The following MSR1 variants were observed in gnomAD, a reference collection of about 807,000 sequenced individuals.
MSR1 encodes macrophage scavenger receptor types I and II.
In MSR1, 53 loss-of-function variants were observed where a neutral mutation model predicts 47.2. That is an observed-to-expected ratio of 1.12 (90% CI 0.90 to 1.41). The LOEUF is 1.41. Ranked by LOEUF, MSR1 falls within the 40% of genes most tolerant of loss-of-function variation. The pLI, the probability that MSR1 is intolerant of heterozygous loss-of-function variation, is 0.00. For missense variants in MSR1, 786 were observed against 546.9 expected (o/e 1.44, Z -4.36); for synonymous variants, 239 against 185.6 (o/e 1.29, Z -2.34).
intron 9 of MSR1, among the ~76,000 whole-genome samples, chr8:16,112,943 GTTTT>G (rs71543671): frequency 1.1e-5 from 1 of 87,814 alleles, no homozygotes. Context: ...TTTTTTTTAA[GTTTT>G]TTTTTTTTTT....
intron 3 of MSR1, among the ~76,000 whole-genome samples, chr8:16,174,515 T>G (rs1017234272): frequency 1.3e-5 from 2 of 152,152 alleles, no homozygotes; most frequent in Non-Finnish European, 2.9e-5. Flanking sequence ...CCGGTTCAAG[T>G]CAGACCCTCC....
At chr8:16,170,690 T>C (rs78929591) in intron 3 of MSR1, among the ~76,000 whole-genome samples, 80 of 152,308 alleles carry the variant, frequency 5.3e-4, no homozygotes, top group African/African-American at 1.9e-3. Context: ...GAAAAACATT[T>C]AGTTCTACCC....
intron 1 of MSR1, among the ~76,000 whole-genome samples, chr8:16,184,593 G>A (rs1212241226): frequency 1.3e-5 from 2 of 152,072 alleles, no homozygotes; most frequent in African/African-American, 4.8e-5. Flanking sequence ...AAATTGATCT[G>A]GCTTTCACAA....
chr8:16,122,597 A>T (rs1650943013), intron 8 of MSR1, among the ~76,000 whole-genome samples: 1 of 152,072 alleles, frequency 6.6e-6, no homozygotes, highest in Non-Finnish European at 1.5e-5. Flanking sequence ...TCAAAGAATA[A>T]TATGCAGCAG....
intron 9 of MSR1, among the ~76,000 whole-genome samples, chr8:16,110,628 T>G (rs1269522968): frequency 6.6e-6 from 1 of 152,152 alleles, no homozygotes; most frequent in Non-Finnish European, 1.5e-5. Flanking sequence ...TGGGGTATAT[T>G]TGCACATAAA....
At chr8:16,159,839 G>C (rs1036994124) in intron 5 of MSR1, among the ~76,000 whole-genome samples, 2 of 151,872 alleles carry the variant, frequency 1.3e-5, no homozygotes, top group African/African-American at 2.4e-5. Flanking sequence ...AACCAGCAAA[G>C]GCTTCATGCA....
intron 9 of MSR1, among the ~76,000 whole-genome samples, chr8:16,115,189 A>G (rs1799850537): frequency 6.6e-6 from 1 of 152,118 alleles, no homozygotes; most frequent in Non-Finnish European, 1.5e-5. Context: ...CGAAAAAAAA[A>G]TTGTTTTCTT....
At chr8:16,185,819 C>G (rs1801979807) in intron 1 of MSR1, among the ~76,000 whole-genome samples, 1 of 140,766 alleles carries the variant, frequency 7.1e-6, no homozygotes, top group South Asian at 2.4e-4. Context: ...GGGAAAAAGT[C>G]AAACAGTAGA....
At chr8:16,120,279 A>T in intron 9 of MSR1, 139 bp downstream of exon 9, 1 of 853,248 alleles carries the variant, frequency 1.2e-6, no homozygotes, top group Non-Finnish European at 1.9e-6. Context: ...AGGCAGGCTA[A>T]GGGAGGAGAA....
chr8:16,158,433 G>T (rs1053498891), intron 5 of MSR1, among the ~76,000 whole-genome samples: 21 of 151,846 alleles, frequency 1.4e-4, no homozygotes, highest in African/African-American at 4.8e-4. Flanking sequence ...ACAAACCCAG[G>T]TGTATCATAT....
At position 16,150,219 on chromosome 8, in the gene MSR1, T is replaced by C. The variant is rs911640030; in HGVS notation, c.979+12A>G. 2.1e-6 allele frequency: 3 copies of C among 1,426,474 alleles called. No homozygotes were observed. The highest frequency in any genetic ancestry group is 2.8e-6 in the Non-Finnish European group (3 of 1,058,734). 88.4% of individuals were successfully genotyped at this position (1,426,474 alleles called of 1,614,324 possible). A position where few individuals can be genotyped will look rare whatever the true frequency, so the allele number is the denominator to read the frequency against. On this transcript the variant is annotated intron_variant, in intron 7 of 9. Transcript: ENST00000262101. ...ACATATTCTATAAAGAAAATACACATTATTGTAATACCTGGCCTTCCGGCA... is the reference window on the plus strand; with the variant it reads ...ACATATTCTATAAAGAAAATACACACTATTGTAATACCTGGCCTTCCGGCA...
chr8:16,165,754 C>T (rs1801287419), intron 4 of MSR1, among the ~76,000 whole-genome samples: 2 of 151,976 alleles, frequency 1.3e-5, no homozygotes, highest in Non-Finnish European at 1.5e-5. Context: ...GTAGGACCTT[C>T]GAAAATAAAT....
intron 1 of MSR1, among the ~76,000 whole-genome samples, chr8:16,189,516 T>A (rs1276087218): frequency 1.0e-5 from 1 of 98,644 alleles, no homozygotes; most frequent in African/African-American, 5.2e-5. Context: ...TTTTTATATA[T>A]AAAAAATCAT....
At position 16,125,747 on chromosome 8, in the gene MSR1, T is replaced by C. The variant is rs959829323; in HGVS notation, c.1034-5141A>G. On this transcript the variant is annotated intron_variant, in intron 8 of 9. Coordinates refer to ENST00000262101, the MANE Select transcript of MSR1 (RefSeq NM_138715.3). Reference sequence around the variant, plus strand: ...TGGTACTTCAACTCTGCTCATAACATTGTATTTCTTTTAAAAATTTTTAAA... The same window carrying C: ...TGGTACTTCAACTCTGCTCATAACACTGTATTTCTTTTAAAAATTTTTAAA... Among the ~76,000 whole-genome samples, 82 of 152,152 alleles carry C rather than the reference T, an allele frequency of 5.4e-4. 1 individual carries two copies. The highest frequency in any genetic ancestry group is 1.9e-3 in the African/African-American group (78 of 41,536).
intron 1 of MSR1, among the ~76,000 whole-genome samples, chr8:16,179,034 A>T (rs1236862857): frequency 6.6e-6 from 1 of 152,230 alleles, no homozygotes; most frequent in East Asian, 1.9e-4. Context: ...AGACAGATGT[A>T]TGTGGAACCC....
Position 16,108,572 on chromosome 8 carries a change from T to C in MSR1, c.*1513A>G, listed in dbSNP as rs929955614. The C allele has an allele frequency of 3.3e-5, 5 of 152,132 alleles. No homozygotes were observed. Among genetic ancestry groups the C allele is most frequent in the African/African-American group, 1.2e-4 (5 of 41,442 alleles). 9.4% of individuals were successfully genotyped at this position (152,132 alleles called of 1,614,324 possible). ...TAGTGGAACTGAACACAAAGAATTA[T>C]TAACTAGCTGAAATTACAGCCAGGG... On this transcript the variant is annotated 3_prime_UTR_variant, in exon 10 of 10. Transcript: ENST00000262101.
intron 6 of MSR1, among the ~76,000 whole-genome samples, chr8:16,151,259 C>T (rs1329379744): frequency 6.6e-6 from 1 of 152,034 alleles, no homozygotes; most frequent in African/African-American, 2.4e-5. Flanking sequence ...TTCTCAAGTA[C>T]CTCACAGTGA....
At chr8:16,180,261 A>C (rs1801789660) in intron 1 of MSR1, among the ~76,000 whole-genome samples, 1 of 151,834 alleles carries the variant, frequency 6.6e-6, no homozygotes, top group Non-Finnish European at 1.5e-5. Flanking sequence ...TTTCCAGCAT[A>C]ATCTCTATTT....
At chr8:16,166,075 T>G (rs1052301854) in intron 4 of MSR1, among the ~76,000 whole-genome samples, 2 of 152,000 alleles carry the variant, frequency 1.3e-5, no homozygotes, top group African/African-American at 2.4e-5. Context: ...CATAAAGTGT[T>G]AAGTGACTAG....
Sources: allele counts gnomAD v4.1 joint callset (sites outside exome capture counted in the v4.1 genomes callset), GRCh38; gene constraint gnomAD v4.1.1; transcripts MANE v1.5; gene names NCBI Gene and HGNC (gene_info 2026-07-23, HGNC 2026-07-21).